PCDH9: variants seen among roughly 807,000 people sequenced by gnomAD.
PCDH9 encodes protocadherin-9.
A neutral mutation model predicts 70.6 loss-of-function variants in PCDH9; 24 were observed. The ratio of observed to expected loss-of-function variants is 0.34; its 90% CI spans 0.25 to 0.48. The LOEUF (loss-of-function observed/expected upper bound fraction) is 0.48. Among genes scored for constraint, PCDH9 ranks in the 20% least tolerant of loss-of-function variants. The pLI is 0.99. For missense variants in PCDH9, 1,281 were observed against 1,503.6 expected, an observed-to-expected ratio of 0.85 and a Z score of 2.45; for synonymous variants, 562 against 558.5, an observed-to-expected ratio of 1.01 and a Z score of -0.09.
intron 4 of PCDH9, among the ~76,000 whole-genome samples, chr13:66,455,902 G>A (rs978109221): frequency 3.4e-4 from 51 of 152,052 alleles, no homozygotes; most frequent in African/African-American, 1.2e-3. Context: ...TAGTCTAAAG[G>A]TAAGAGATTC....
At chr13:67,111,557 G>C (rs1432624130) in intron 2 of PCDH9, among the ~76,000 whole-genome samples, 2 of 152,100 alleles carry the variant, frequency 1.3e-5, no homozygotes, top group African/African-American at 2.4e-5. Flanking sequence ...GTTACAAAGG[G>C]AATATTAGAG....
intron 4 of PCDH9, among the ~76,000 whole-genome samples, chr13:66,474,622 AGTTT>A (rs1958685218): frequency 2.6e-5 from 4 of 152,152 alleles, no homozygotes; most frequent in Non-Finnish European, 2.9e-5. Flanking sequence ...TTATGTTGAT[AGTTT>A]GTTATAATTT....
intron 4 of PCDH9, among the ~76,000 whole-genome samples, chr13:66,604,833 G>A (rs553494929): frequency 4.6e-5 from 7 of 151,502 alleles, no homozygotes; most frequent in Non-Finnish European, 8.8e-5. Context: ...TTTTCCCAAC[G>A]AGATCTCTGC....
At chr13:66,708,485 C>T (rs1239967868) in intron 3 of PCDH9, among the ~76,000 whole-genome samples, 1 of 150,890 alleles carries the variant, frequency 6.6e-6, no homozygotes, top group Non-Finnish European at 1.5e-5. Context: ...CTCCTTTAGC[C>T]ACTATTTTCA....
At chr13:66,851,627 G>A (rs1050672914) in intron 3 of PCDH9, among the ~76,000 whole-genome samples, 2 of 151,100 alleles carry the variant, frequency 1.3e-5, no homozygotes, top group Non-Finnish European at 2.9e-5. Flanking sequence ...TTGACTCTGT[G>A]ACCTTGAGCA....
intron 4 of PCDH9, among the ~76,000 whole-genome samples, chr13:66,583,012 G>A (rs2076913742): frequency 6.6e-6 from 1 of 150,982 alleles, no homozygotes; most frequent in South Asian, 2.1e-4. Flanking sequence ...ACCACGTTTA[G>A]TAGTCTTTTA....
chr13:66,465,914 T>C (rs1305423334), intron 4 of PCDH9, among the ~76,000 whole-genome samples: 1 of 151,972 alleles, frequency 6.6e-6, no homozygotes, highest in Non-Finnish European at 1.5e-5. Flanking sequence ...CCATGTAATG[T>C]CCTTCAAATT....
At chr13:67,040,307 CT>C (rs1164929870) in intron 2 of PCDH9, among the ~76,000 whole-genome samples, 4 of 152,040 alleles carry the variant, frequency 2.6e-5, no homozygotes, top group African/African-American at 9.7e-5. Context: ...GGATTACTGC[CT>C]TTATAAAAGT....
chr13:67,132,360 G>C (rs142757826), intron 2 of PCDH9, among the ~76,000 whole-genome samples: 1 of 152,012 alleles, frequency 6.6e-6, no homozygotes, highest in Non-Finnish European at 1.5e-5. Context: ...CCCCATGCCT[G>C]TTCATCTTCC....
rs1052466235 is a variant in PCDH9, at chr13:66,952,190, G to A, written c.3037-48585C>T. Among the ~76,000 whole-genome samples, 6 of 152,188 alleles carry A rather than the reference G, an allele frequency of 3.9e-5. No individual in the cohort carries two copies. In the East Asian group the frequency reaches 5.8e-4, roughly 15 times the overall value. ...TGACAGCACACTGTAGGGTACATAC[G>A]CTTCTCCAGCAAAAGCACAATGCAT... On this transcript the variant is annotated intron_variant, in intron 2 of 4. Transcript: ENST00000377865.
chr13:66,424,961 A>G (rs1268683828), intron 4 of PCDH9, among the ~76,000 whole-genome samples: 1 of 151,876 alleles, frequency 6.6e-6, no homozygotes, highest in Non-Finnish European at 1.5e-5. Flanking sequence ...ATAACTAAAA[A>G]CAACACATCC....
At chr13:67,102,500 T>A (rs56226179) in intron 2 of PCDH9, among the ~76,000 whole-genome samples, 18,522 of 152,022 alleles carry the variant, frequency 0.12, 1,203 homozygotes, top group African/African-American at 0.15. Flanking sequence ...AGTCAAAAGG[T>A]GCTCTAAATG....
At chr13:66,878,477 T>G (rs947653399) in intron 3 of PCDH9, among the ~76,000 whole-genome samples, 2 of 152,148 alleles carry the variant, frequency 1.3e-5, no homozygotes, top group African/African-American at 4.8e-5. Context: ...TCAGCCCGCC[T>G]TGGACTCCCA....
chr13:66,359,616 A>C (rs1417279558), intron 4 of PCDH9, among the ~76,000 whole-genome samples: 1 of 152,080 alleles, frequency 6.6e-6, no homozygotes, highest in Non-Finnish European at 1.5e-5. Flanking sequence ...ATGAAGATGA[A>C]TTACATTCTA....
intron 3 of PCDH9, among the ~76,000 whole-genome samples, chr13:66,794,838 T>C (rs988792691): frequency 6.6e-6 from 1 of 152,146 alleles, no homozygotes; most frequent in Non-Finnish European, 1.5e-5. Context: ...CACTTTCAGT[T>C]CACTGAAACA....
chr13:66,791,281 G>C (rs2049500231), intron 3 of PCDH9, among the ~76,000 whole-genome samples: 1 of 152,012 alleles, frequency 6.6e-6, no homozygotes, highest in South Asian at 2.1e-4. Flanking sequence ...TTAGATATTT[G>C]AACTTATGAT....
intron 3 of PCDH9, among the ~76,000 whole-genome samples, chr13:66,874,914 A>AGTGTGTGT (rs36045690): frequency 0.036 from 5,002 of 137,270 alleles, 120 homozygotes; most frequent in African/African-American, 0.057. Flanking sequence ...CAAAAGCAGC[A>AGTGTGTGT]GTGTGTGTGT....
rs999085781 is a variant in PCDH9, at chr13:67,059,347, T to C, written c.3037-155742A>G. ...AAAAAAAACAAATTTCAAATATATA[T>C]ATATATTATATATATATAGTGTGTA... is the stretch of plus-strand genomic sequence containing the variant. On this transcript the variant is annotated intron_variant, in intron 2 of 4. Coordinates refer to ENST00000377865, the MANE Select transcript of PCDH9 (RefSeq NM_203487.3). 4.6e-5 allele frequency among the ~76,000 whole-genome samples: 6 copies of C among 130,538 alleles called. No homozygotes were observed. The East Asian group carries it at 1.5e-3, about 34-fold the overall frequency. The allele number at this position is 130,538 out of a possible 152,430, so 85.6% of individuals were successfully genotyped here. A position where few individuals can be genotyped will look rare whatever the true frequency, so the allele number is the denominator to read the frequency against.
chr13:67,041,067 A>T (rs891604641), intron 2 of PCDH9, among the ~76,000 whole-genome samples: 2 of 152,182 alleles, frequency 1.3e-5, no homozygotes, highest in African/African-American at 4.8e-5. Flanking sequence ...GAACATTAAA[A>T]AAAAAAGATT....
Sources: gnomAD v4.1 joint callset for allele counts (sites outside exome capture counted in the v4.1 genomes callset) on GRCh38, gnomAD v4.1.1 for gene constraint, MANE v1.5 for transcripts, NCBI Gene and HGNC (gene_info 2026-07-23, HGNC 2026-07-21) for gene names.